Variants in FRMD4A observed in about 807,000 individuals in gnomAD.
FRMD4A encodes the protein FERM domain containing 4A.
In FRMD4A, 29 loss-of-function variants were observed where a neutral mutation model predicts 129.1. The ratio of observed to expected loss-of-function variants is 0.22; its 90% CI spans 0.17 to 0.31. FRMD4A has a LOEUF of 0.31. Ranked by LOEUF, FRMD4A falls within the 10% of genes least tolerant of loss-of-function variation. The pLI, the probability that FRMD4A is intolerant of heterozygous loss-of-function variation, is 1.00. For missense variants in FRMD4A, 1,272 were observed against 1,375.8 expected (o/e 0.92, Z 1.19); for synonymous variants, 634 against 571.6 (o/e 1.11, Z -1.56).
At chr10:14,325,272 G>C (rs908260526) in intron 2 of FRMD4A, among the ~76,000 whole-genome samples, 2 of 152,152 alleles carry the variant, frequency 1.3e-5, no homozygotes, top group Admixed American at 1.3e-4. Context: ...TATCAGATTA[G>C]ACCTCTCACA....
intron 2 of FRMD4A, among the ~76,000 whole-genome samples, chr10:14,146,387 G>C (rs895159862): frequency 6.6e-6 from 1 of 152,128 alleles, no homozygotes; most frequent in African/African-American, 2.4e-5. Flanking sequence ...GATATGATGT[G>C]ATATAGTCTG....
chr10:13,996,104 T>G (rs969102489), intron 2 of FRMD4A, among the ~76,000 whole-genome samples: 2 of 152,238 alleles, frequency 1.3e-5, no homozygotes, highest in Admixed American at 1.3e-4. Flanking sequence ...TTTCTTCCTG[T>G]GTCCTCACAT....
intron 15 of FRMD4A, among the ~76,000 whole-genome samples, chr10:13,691,160 G>C (rs184807713): frequency 3.9e-5 from 6 of 152,308 alleles, no homozygotes; most frequent in African/African-American, 1.2e-4. Flanking sequence ...GCTAAGTTTT[G>C]TATTTTTAGT....
intron 2 of FRMD4A, among the ~76,000 whole-genome samples, chr10:14,026,404 G>C (rs1832988249): frequency 6.6e-6 from 1 of 152,208 alleles, no homozygotes; most frequent in African/African-American, 2.4e-5. Context: ...TTGGAGTCTT[G>C]TCAGATGAGT....
intron 2 of FRMD4A, among the ~76,000 whole-genome samples, chr10:14,113,780 G>A (rs879678829): frequency 6.6e-6 from 1 of 151,980 alleles, no homozygotes; most frequent in South Asian, 2.1e-4. Context: ...GTGCGCGCGC[G>A]TGTGTGCGTG....
chr10:13,879,781 CTCCTCCTCCTCCCT>C (rs1194147822), intron 2 of FRMD4A, among the ~76,000 whole-genome samples: 1 of 119,290 alleles, frequency 8.4e-6, no homozygotes, highest in African/African-American at 3.2e-5. Flanking sequence ...CCCCTTCTTC[CTCCTCCTCCTCCCT>C]TCCTCCTCCT....
chr10:14,256,000 C>T (rs773916113), intron 2 of FRMD4A, among the ~76,000 whole-genome samples: 13 of 118,778 alleles, frequency 1.1e-4, no homozygotes, highest in African/African-American at 2.7e-4. Flanking sequence ...AGCAAGCCTC[C>T]ATCTCAAAAA....
chr10:13,971,806 C>T (rs1258077139), intron 2 of FRMD4A: 1 of 1,304,446 alleles, frequency 7.7e-7, no homozygotes, highest in Admixed American at 2.3e-5. Context: ...CCATGCCAGC[C>T]CCAGACTCTG....
intron 2 of FRMD4A, among the ~76,000 whole-genome samples, chr10:14,314,918 C>A (rs78681135): frequency 6.6e-6 from 1 of 151,350 alleles, no homozygotes. Flanking sequence ...ATAAAGTCAC[C>A]ATGCCATGTG....
intron 2 of FRMD4A, among the ~76,000 whole-genome samples, chr10:14,185,935 G>A (rs189854275): frequency 4.6e-5 from 7 of 152,294 alleles, no homozygotes; most frequent in South Asian, 4.1e-4. Flanking sequence ...GATGGCAGCT[G>A]GAGCAGAATG....
chr10:13,902,813 C>G (rs995626223), intron 2 of FRMD4A, among the ~76,000 whole-genome samples: 7 of 147,022 alleles, frequency 4.8e-5, no homozygotes, highest in African/African-American at 1.8e-4. Flanking sequence ...GCACTCCAGC[C>G]TGGATGACAG....
chr10:13,707,417 CA>C (rs1380400180), intron 12 of FRMD4A: 1 of 1,076,528 alleles, frequency 9.3e-7, no homozygotes, highest in Non-Finnish European at 1.1e-6. Flanking sequence ...TGGCAGTCCC[CA>C]GCTTGGCAGA....
intron 2 of FRMD4A, among the ~76,000 whole-genome samples, chr10:14,148,629 G>A (rs1212780750): frequency 1.3e-5 from 2 of 152,078 alleles, no homozygotes; most frequent in Non-Finnish European, 2.9e-5. Context: ...CAGGCATGGT[G>A]GCATGTGCCT....
At chr10:13,681,340 A>C (rs2084563846) in intron 15 of FRMD4A, among the ~76,000 whole-genome samples, 1 of 152,186 alleles carries the variant, frequency 6.6e-6, no homozygotes, top group African/African-American at 2.4e-5. Context: ...TCAAAAGCTA[A>C]ACAGAGTTTA....
At chr10:14,149,230 T>C (rs1478564442) in intron 2 of FRMD4A, among the ~76,000 whole-genome samples, 3 of 152,236 alleles carry the variant, frequency 2.0e-5, no homozygotes, top group Admixed American at 1.3e-4. Context: ...CAGGCAACCA[T>C]ATGTCTCCTT....
chr10:13,971,268 T>A (rs1300616279), intron 2 of FRMD4A, among the ~76,000 whole-genome samples: 1 of 152,202 alleles, frequency 6.6e-6, no homozygotes, highest in Non-Finnish European at 1.5e-5. Context: ...GGAAAGAACA[T>A]CCTTTGTCTT....
At chr10:13,849,707 G>C (rs575679640) in intron 3 of FRMD4A, among the ~76,000 whole-genome samples, 1 of 151,232 alleles carries the variant, frequency 6.6e-6, no homozygotes, top group East Asian at 2.0e-4. Context: ...TCAAAGTCCC[G>C]ACCTCAGGTG....
intron 8 of FRMD4A, among the ~76,000 whole-genome samples, chr10:13,761,347 A>G (rs1564756366): frequency 6.6e-6 from 1 of 152,210 alleles, no homozygotes; most frequent in Non-Finnish European, 1.5e-5. Flanking sequence ...TCCAGCCTCT[A>G]CGAGACATTT....
intron 1 of FRMD4A, among the ~76,000 whole-genome samples, 182 bp downstream of exon 1, chr10:14,330,415 C>G (rs1451708375): frequency 1.3e-5 from 2 of 152,122 alleles, no homozygotes; most frequent in Admixed American, 6.5e-5. Context: ...CAAACACAAA[C>G]GTGAAAGCTT....
Sources: allele counts gnomAD v4.1 joint callset (sites outside exome capture counted in the v4.1 genomes callset), GRCh38; gene constraint gnomAD v4.1.1; transcripts MANE v1.5; gene names NCBI Gene and HGNC (gene_info 2026-07-23, HGNC 2026-07-21).